Variants in ASIC2 observed in about 807,000 individuals in gnomAD.
The protein encoded by ASIC2 is acid sensing ion channel subunit 2.
A neutral mutation model predicts 57.3 loss-of-function variants in ASIC2; 25 were observed. The observed-to-expected ratio is 0.44, with a 90% CI of 0.32 to 0.61. The LOEUF is 0.61. Ranked by LOEUF, ASIC2 falls within the 20% of genes least tolerant of loss-of-function variation. ASIC2 has a pLI of 0.06. For missense variants in ASIC2, 641 were observed against 738.1 expected, an observed-to-expected ratio of 0.87 and a Z score of 1.52; for synonymous variants, 319 against 307.5, an observed-to-expected ratio of 1.04 and a Z score of -0.39.
chr17:33,772,200 C>T (rs8065722), intron 1 of ASIC2, among the ~76,000 whole-genome samples: 17,035 of 152,272 alleles, frequency 0.11, 1,101 homozygotes, highest in Non-Finnish European at 0.13. Context: ...CCTTGTTTGA[C>T]TATGGGTCAT....
At chr17:33,745,718 G>T (rs1910240315) in intron 1 of ASIC2, among the ~76,000 whole-genome samples, 1 of 151,986 alleles carries the variant, frequency 6.6e-6, no homozygotes, top group African/African-American at 2.4e-5. Flanking sequence ...TTTCAAAAAT[G>T]AAGGTAAAAT....
intron 1 of ASIC2, among the ~76,000 whole-genome samples, chr17:33,535,847 C>T (rs929098468): frequency 6.6e-6 from 1 of 152,214 alleles, no homozygotes; most frequent in African/African-American, 2.4e-5. Context: ...AGAGTTCCCA[C>T]CTCTACTCCA....
chr17:34,118,103 T>G (rs1317150950), intron 1 of ASIC2, among the ~76,000 whole-genome samples: 1 of 152,318 alleles, frequency 6.6e-6, no homozygotes, highest in African/African-American at 2.4e-5. Context: ...GATTAAGAGC[T>G]TAACCTCTGG....
chr17:33,581,881 T>C (rs1904453573), intron 1 of ASIC2, among the ~76,000 whole-genome samples: 1 of 152,176 alleles, frequency 6.6e-6, no homozygotes, highest in African/African-American at 2.4e-5. Flanking sequence ...TTGGTTTAGC[T>C]TTAGGAAGTT....
intron 2 of ASIC2, among the ~76,000 whole-genome samples, chr17:33,111,309 G>A (rs1035728378): frequency 9.8e-5 from 15 of 152,306 alleles, no homozygotes; most frequent in African/African-American, 3.4e-4. Context: ...CCTTACTTGG[G>A]TGCAAAGCCT....
At chr17:33,344,671 T>C (rs909838539) in intron 1 of ASIC2, among the ~76,000 whole-genome samples, 1 of 152,154 alleles carries the variant, frequency 6.6e-6, no homozygotes, top group African/African-American at 2.4e-5. Flanking sequence ...CAGGGCTTCC[T>C]TGTTTATAGT....
At position 33,247,313 on chromosome 17, in the gene ASIC2, G is replaced by T. The variant is rs189594302; in HGVS notation, c.708+44095C>A. Reference sequence around the variant, plus strand: ...TTTACAACAAAAAATTATATATTTCGTGAAATAAGTTCTTTTTAGTGTGTT... The same window carrying T: ...TTTACAACAAAAAATTATATATTTCTTGAAATAAGTTCTTTTTAGTGTGTT... On this transcript the variant is annotated intron_variant, in intron 1 of 9. Coordinates refer to ENST00000225823, the MANE Select transcript of ASIC2 (RefSeq NM_183377.2). Among the ~76,000 whole-genome samples the T allele has an allele frequency of 2.0e-5, 3 of 152,138 alleles. No individual in the cohort carries two copies. In the East Asian group the frequency reaches 5.8e-4, roughly 29 times the overall value.
chr17:33,412,480 A>C (rs898950615), intron 1 of ASIC2, among the ~76,000 whole-genome samples: 1 of 152,248 alleles, frequency 6.6e-6, no homozygotes, highest in African/African-American at 2.4e-5. Flanking sequence ...CTTGAGGTCC[A>C]CATTAATCTT....
chr17:33,782,687 C>T (rs1375496734), intron 1 of ASIC2, among the ~76,000 whole-genome samples: 6 of 152,142 alleles, frequency 3.9e-5, no homozygotes, highest in South Asian at 2.1e-4. Context: ...TGAGATCATA[C>T]CACTGCACTC....
intron 1 of ASIC2, among the ~76,000 whole-genome samples, chr17:33,264,016 C>A (rs560297180): frequency 6.6e-6 from 1 of 152,324 alleles, no homozygotes; most frequent in South Asian, 2.1e-4. Flanking sequence ...AGCTGTGTGA[C>A]CTTGGACAAG....
chr17:34,039,888 C>CGCCGCT (rs1205070979), intron 1 of ASIC2: 2 of 1,583,788 alleles, frequency 1.3e-6, no homozygotes, highest in South Asian at 1.1e-5. Flanking sequence ...CTGCCGCCGC[C>CGCCGCT]GCCGCTGCCG....
intron 2 of ASIC2, among the ~76,000 whole-genome samples, chr17:33,095,463 T>C (rs2092174746): frequency 1.3e-5 from 2 of 152,334 alleles, no homozygotes; most frequent in South Asian, 4.1e-4. Context: ...TGGCATGCAG[T>C]AGGAACTCAA....
chr17:34,048,235 A>C (rs1908412139), intron 1 of ASIC2, among the ~76,000 whole-genome samples: 1 of 152,140 alleles, frequency 6.6e-6, no homozygotes, highest in Admixed American at 6.5e-5. Context: ...AAATGTCATG[A>C]CTTTGAGACC....
intron 1 of ASIC2, among the ~76,000 whole-genome samples, chr17:34,151,118 A>T (rs58804442): frequency 0.06 from 8,779 of 145,774 alleles, 358 homozygotes; most frequent in Admixed American, 0.11. Context: ...AAAAAAAAAA[A>T]AAAAAAATAA....
chr17:34,116,052 C>T (rs1911415864), intron 1 of ASIC2, among the ~76,000 whole-genome samples: 1 of 152,138 alleles, frequency 6.6e-6, no homozygotes, highest in East Asian at 1.9e-4. Flanking sequence ...AACACCCAAA[C>T]CACTTGGTGT....
At chr17:33,664,553 A>G (rs1252040506) in intron 1 of ASIC2, among the ~76,000 whole-genome samples, 1 of 152,186 alleles carries the variant, frequency 6.6e-6, no homozygotes, top group African/African-American at 2.4e-5. Context: ...TAAGCCTCAC[A>G]TATTTCATAT....
chr17:33,246,687 T>A (rs956750), intron 1 of ASIC2, among the ~76,000 whole-genome samples: 1 of 152,242 alleles, frequency 6.6e-6, no homozygotes, highest in Non-Finnish European at 1.5e-5. Context: ...AATGAGCAAG[T>A]GCATAGTGCC....
chr17:33,210,701 G>C (rs1468141616), intron 1 of ASIC2, among the ~76,000 whole-genome samples: 1 of 152,196 alleles, frequency 6.6e-6, no homozygotes, highest in Non-Finnish European at 1.5e-5. Context: ...GGGAGGCTTG[G>C]CCCTGCCCTC....
chr17:34,032,225 A>G (rs1907648002), intron 1 of ASIC2, among the ~76,000 whole-genome samples: 1 of 152,348 alleles, frequency 6.6e-6, no homozygotes, highest in East Asian at 1.9e-4. Flanking sequence ...CTTAAAGAAA[A>G]GAATTTTCAA....
Sources: allele counts gnomAD v4.1 joint callset (sites outside exome capture counted in the v4.1 genomes callset), GRCh38; gene constraint gnomAD v4.1.1; transcripts MANE v1.5; gene names NCBI Gene and HGNC (gene_info 2026-07-23, HGNC 2026-07-21).